The following MTCH1 variants were observed in gnomAD, a reference collection of about 807,000 sequenced individuals.
The protein encoded by MTCH1 is mitochondrial carrier homolog 1.
In MTCH1, 23 loss-of-function variants were observed where a neutral mutation model predicts 49.3. The observed-to-expected ratio is 0.47, with a 90% CI of 0.34 to 0.66. The LOEUF (loss-of-function observed/expected upper bound fraction) is 0.66. Ranked by LOEUF, MTCH1 falls within the 30% of genes least tolerant of loss-of-function variation. The pLI, the probability that MTCH1 is intolerant of heterozygous loss-of-function variation, is 0.01. For missense variants in MTCH1, 397 were observed against 532.1 expected, an observed-to-expected ratio of 0.75 and a Z score of 2.50; for synonymous variants, 229 against 215.2, an observed-to-expected ratio of 1.06 and a Z score of -0.56.
At chr6:36,974,819 T>A (rs960022876) in intron 7 of MTCH1, among the ~76,000 whole-genome samples, 1 of 152,166 alleles carries the variant, frequency 6.6e-6, no homozygotes, top group African/African-American at 2.4e-5. Flanking sequence ...TTCTTATGAA[T>A]AATATGGAGC....
chr6:36,968,782 C>A lies in MTCH1; in HGVS notation c.*121G>T. 1 of 1,468,166 alleles carries A rather than the reference C, an allele frequency of 6.8e-7. No homozygotes were observed. Among genetic ancestry groups the A allele is most frequent in the Non-Finnish European group, 9.4e-7 (1 of 1,064,296 alleles). 90.9% of individuals were successfully genotyped at this position (1,468,166 alleles called of 1,614,324 possible). Reference sequence around the variant, plus strand: ...ACACATGGCAAATATGGAACTGAAGCCCGGCTGGGCTGGAGCACATCTGGT... The same window carrying A: ...ACACATGGCAAATATGGAACTGAAGACCGGCTGGGCTGGAGCACATCTGGT... On this transcript the variant is annotated 3_prime_UTR_variant, in exon 12 of 12. Transcript: ENST00000373627.
chr6:36,985,732 CGCCGTCCCCA>C, intron 1 of MTCH1, 111 bp downstream of exon 1: 2 of 697,692 alleles, frequency 2.9e-6, no homozygotes, highest in Non-Finnish European at 4.4e-6. Context: ...CCCCCAAACC[CGCCGTCCCCA>C]CCCCTCTCCC....
intron 7 of MTCH1, among the ~76,000 whole-genome samples, chr6:36,973,785 T>C (rs1010336750): frequency 4.6e-5 from 7 of 152,230 alleles, no homozygotes; most frequent in African/African-American, 1.4e-4. Flanking sequence ...GAGGTGGTCA[T>C]GTGCAGTGTT....
Position 36,977,707 on chromosome 6 carries a change from G to T in MTCH1, c.592-16C>A. ...CGTAGGAGGTCTGGAAGAGAGCATG[G>T]GGTGGGGACTCGCCACCCTCGGCCT... On this transcript the variant is annotated splice_polypyrimidine_tract_variant and intron_variant, in intron 4 of 11. Transcript: ENST00000373627. The surrounding 1 kb of genome is among the most constrained non-coding windows in gnomAD (Gnocchi z 5.4). The T allele has an allele frequency of 6.2e-7, 1 of 1,602,132 alleles. No homozygotes were observed. The highest frequency in any genetic ancestry group is 2.3e-5 in the East Asian group (1 of 44,212).
rs773269714 is a variant in MTCH1, at chr6:36,970,083, C to T, written c.1054G>A (p.Val352Met). 246 of 1,614,052 alleles carry T rather than the reference C, an allele frequency of 1.5e-4. No individual in the cohort carries two copies. The highest frequency in any genetic ancestry group is 2.0e-4 in the Non-Finnish European group (238 of 1,180,040). ...CAGCAGTGAATCCAGGATTTGAACACTGGGGAGTAAGGGGGGAGCCCAGCT... is the reference window on the plus strand; with the variant it reads ...CAGCAGTGAATCCAGGATTTGAACATTGGGGAGTAAGGGGGGAGCCCAGCT... ...LQAGLPPYSPVFKSWIHCWKY... is the reference protein window; with the variant it reads ...LQAGLPPYSPMFKSWIHCWKY... The change falls in exon 11 of 12, where the codon GTG (valine) becomes ATG (methionine). Residue 352 changes from valine to methionine, a missense_variant. By Grantham distance (21) the Val-to-Met change is conservative. Transcript: ENST00000373627.
chr6:36,972,898 T>C lies in MTCH1; in HGVS notation c.762-102A>G, dbSNP rs1399589830. Reference sequence around the variant, plus strand: ...GCAGGGATGTTCCGAGCTCAAAATCTTAGCATATCCAATGGCACAGCCTTA... The same window carrying C: ...GCAGGGATGTTCCGAGCTCAAAATCCTAGCATATCCAATGGCACAGCCTTA... On this transcript the variant is annotated intron_variant, in intron 7 of 11. Transcript: ENST00000373627. This position sits in a 1 kb window ranked among gnomAD's most constrained non-coding sequence, Gnocchi z 4.1. 3 of 1,216,582 alleles carry C rather than the reference T, an allele frequency of 2.5e-6. No individual in the cohort carries two copies. Among genetic ancestry groups the C allele is most frequent in the Non-Finnish European group, 3.4e-6 (3 of 870,216 alleles). 75.4% of individuals were successfully genotyped at this position (1,216,582 alleles called of 1,614,324 possible).
At chr6:36,985,394 C>T (rs1447012526) in intron 1 of MTCH1, among the ~76,000 whole-genome samples, 1 of 151,622 alleles carries the variant, frequency 6.6e-6, no homozygotes, top group Non-Finnish European at 1.5e-5. Flanking sequence ...GCTCCTCATT[C>T]TCTAAACACT....
chr6:36,974,086 C>G (rs1438007667), intron 7 of MTCH1, among the ~76,000 whole-genome samples: 1 of 152,190 alleles, frequency 6.6e-6, no homozygotes, highest in East Asian at 1.9e-4. Context: ...TGGTTTGTTA[C>G]CAGGTACATG....
rs747194476 is a variant in MTCH1, at chr6:36,969,965, C to T, written c.1098+74G>A. On this transcript the variant is annotated intron_variant, in intron 11 of 11. Coordinates refer to ENST00000373627, the MANE Select transcript of MTCH1 (RefSeq NM_001271641.2). ...CCACTTATCTTTGCATGCAATGAAGCATCCACAAAACCATTTCAGCTGAAG... is the reference window on the plus strand; with the variant it reads ...CCACTTATCTTTGCATGCAATGAAGTATCCACAAAACCATTTCAGCTGAAG... 15 of 1,583,244 alleles carry T rather than the reference C, an allele frequency of 9.5e-6. No individual in the cohort carries two copies. The South Asian group carries it at 1.7e-4, about 18-fold the overall frequency.
intron 6 of MTCH1, chr6:36,976,418 C>A: frequency 2.5e-6 from 1 of 404,946 alleles, no homozygotes; most frequent in Non-Finnish European, 5.2e-6. Flanking sequence ...GGTCCCAGAT[C>A]ATCCCAGCCC....
chr6:36,970,702 G>C lies in MTCH1; in HGVS notation c.907-8C>G. 6.2e-7 allele frequency: 1 copy of C among 1,613,906 alleles called. No homozygotes were observed. The highest frequency in any genetic ancestry group is 8.5e-7 in the Non-Finnish European group (1 of 1,179,950). On this transcript the variant is annotated splice_polypyrimidine_tract_variant and splice_region_variant and intron_variant, in intron 8 of 11. Coordinates refer to ENST00000373627, the MANE Select transcript of MTCH1 (RefSeq NM_001271641.2). ...GGCCAGGGCCTGGCTGAACTGAGGA[G>C]ACAGAAGGGAAGAGTGGTTTGCCAC...
chr6:36,981,550 T>C (rs1764092264), intron 2 of MTCH1, 38 bp downstream of exon 2: 1 of 1,601,978 alleles, frequency 6.2e-7, no homozygotes, highest in African/African-American at 1.3e-5. Flanking sequence ...GCCTCTTTTC[T>C]GTTGGTGTGG....
chr6:36,977,743 C>T lies in MTCH1; in HGVS notation c.592-52G>A. On this transcript the variant is annotated intron_variant, in intron 4 of 11. Transcript: ENST00000373627. The surrounding 1 kb of genome is among the most constrained non-coding windows in gnomAD (Gnocchi z 5.4). ...CGCCACCCTCGGCCTGTCTCTGGAA[C>T]TGGCCCTCGAGGGGAGCTACAAGTG... 1 of 1,518,290 alleles carries T rather than the reference C, an allele frequency of 6.6e-7. No individual in the cohort carries two copies. 94.1% of individuals were successfully genotyped at this position (1,518,290 alleles called of 1,614,324 possible).
chr6:36,973,711 G>A (rs1220561217), intron 7 of MTCH1, among the ~76,000 whole-genome samples: 1 of 152,228 alleles, frequency 6.6e-6, no homozygotes, highest in African/African-American at 2.4e-5. Context: ...CAAAGAGTAG[G>A]CATCTGTTGT....
chr6:36,977,368 A>G lies in MTCH1; in HGVS notation c.650-118T>C. Reference sequence around the variant, plus strand: ...GAACAACGTGGCCTATTCAGAGAGCAGGAGAGGAAGAGGGCCTTTCGGATT... The same window carrying G: ...GAACAACGTGGCCTATTCAGAGAGCGGGAGAGGAAGAGGGCCTTTCGGATT... On this transcript the variant is annotated intron_variant, in intron 5 of 11. Transcript: ENST00000373627. This position sits in a 1 kb window ranked among gnomAD's most constrained non-coding sequence, Gnocchi z 5.4. 1 of 1,073,216 alleles carries G rather than the reference A, an allele frequency of 9.3e-7. No individual in the cohort carries two copies. The highest frequency in any genetic ancestry group is 1.4e-6 in the Non-Finnish European group (1 of 713,202). The allele number at this position is 1,073,216 out of a possible 1,614,324, so 66.5% of individuals were successfully genotyped here.
chr6:36,985,608 C>G (rs938520867), intron 1 of MTCH1, among the ~76,000 whole-genome samples: 1 of 152,204 alleles, frequency 6.6e-6, no homozygotes, highest in East Asian at 1.9e-4. Context: ...TCCTTCCACC[C>G]TCTCCCGTAT....
At chr6:36,985,081 C>A (rs1382514858) in intron 1 of MTCH1, among the ~76,000 whole-genome samples, 1 of 149,206 alleles carries the variant, frequency 6.7e-6, no homozygotes, top group African/African-American at 2.5e-5. Flanking sequence ...CTGTTCCCCT[C>A]CCCCCATACG....
At chr6:36,970,253 G>T in intron 10 of MTCH1, 139 bp from the exon 11 acceptor site, 1 of 1,419,706 alleles carries the variant, frequency 7.0e-7, no homozygotes, top group Non-Finnish European at 9.8e-7. Flanking sequence ...CCCAGGGGGT[G>T]CTGGGAAATC....
At position 36,968,757 on chromosome 6, in the gene MTCH1, A is replaced by G. The variant is rs939661394; in HGVS notation, c.*146T>C. ...CCCGCTCAACCCCACATCTGGACAG[A>G]CACATGGCAAATATGGAACTGAAGC... On this transcript the variant is annotated 3_prime_UTR_variant, in exon 12 of 12. Transcript: ENST00000373627. 3 of 1,286,152 alleles carry G rather than the reference A, an allele frequency of 2.3e-6. No homozygotes were observed. The highest frequency in any genetic ancestry group is 1.3e-5 in the South Asian group (1 of 79,006). The allele number at this position is 1,286,152 out of a possible 1,614,324, so 79.7% of individuals were successfully genotyped here. A position where few individuals can be genotyped will look rare whatever the true frequency, so the allele number is the denominator to read the frequency against.
Sources: allele counts gnomAD v4.1 joint callset (sites outside exome capture counted in the v4.1 genomes callset), GRCh38; gene constraint gnomAD v4.1.1; non-coding constraint Gnocchi (gnomAD v3.1); transcripts MANE v1.5; gene names NCBI Gene and HGNC (gene_info 2026-07-23, HGNC 2026-07-21).